Variants in ITGA8 observed in about 807,000 individuals in gnomAD.
The protein encoded by ITGA8 is integrin alpha-8.
ITGA8 carries 91 observed loss-of-function variants against 142.3 expected under a neutral mutation model. The observed-to-expected ratio is 0.64, with a 90% CI of 0.54 to 0.76. The LOEUF (loss-of-function observed/expected upper bound fraction) is 0.76. Among genes scored for constraint, ITGA8 ranks in the 30% least tolerant of loss-of-function variants. The pLI, the probability that ITGA8 is intolerant of heterozygous loss-of-function variation, is 0.00. For synonymous variants in ITGA8, 505 were observed against 485.2 expected (o/e 1.04, Z -0.54); for missense variants, 1,406 against 1,327.7 (o/e 1.06, Z -0.92).
intron 23 of ITGA8, among the ~76,000 whole-genome samples, chr10:15,577,563 C>T (rs1348354653): frequency 6.6e-6 from 1 of 151,996 alleles, no homozygotes; most frequent in Non-Finnish European, 1.5e-5. Flanking sequence ...ATCAAAACAT[C>T]ATGTCAAAAT....
At chr10:15,604,696 A>G (rs1202178461) in intron 19 of ITGA8, among the ~76,000 whole-genome samples, 1 of 152,138 alleles carries the variant, frequency 6.6e-6, no homozygotes, top group Non-Finnish European at 1.5e-5. Context: ...TACCAACAAA[A>G]TTACTGCAAA....
intron 13 of ITGA8, among the ~76,000 whole-genome samples, chr10:15,641,153 A>G (rs971404317): frequency 1.3e-5 from 2 of 152,118 alleles, no homozygotes; most frequent in Non-Finnish European, 2.9e-5. Flanking sequence ...TCCTGGGTTC[A>G]AGCAGTTCTC....
chr10:15,678,981 G>C (rs1389566606), intron 4 of ITGA8, among the ~76,000 whole-genome samples, 198 bp from the exon 5 acceptor site: 1 of 152,142 alleles, frequency 6.6e-6, no homozygotes. Context: ...ACACCAAATA[G>C]CGTTGTGATT....
At chr10:15,678,310 T>C (rs1834670643) in intron 5 of ITGA8, among the ~76,000 whole-genome samples, 1 of 152,216 alleles carries the variant, frequency 6.6e-6, no homozygotes. Context: ...CTCTTTTTAA[T>C]TTTTTGAAAG....
chr10:15,630,813 C>G (rs1273682030), intron 13 of ITGA8, among the ~76,000 whole-genome samples: 2 of 151,992 alleles, frequency 1.3e-5, no homozygotes, highest in South Asian at 2.1e-4. Flanking sequence ...ATACTCCATT[C>G]CTTATATCCT....
chr10:15,639,406 C>T (rs957811843), intron 13 of ITGA8, among the ~76,000 whole-genome samples: 1 of 152,144 alleles, frequency 6.6e-6, no homozygotes, highest in Admixed American at 6.5e-5. Context: ...GATCTCTCAT[C>T]CCCATCTCAG....
intron 26 of ITGA8, among the ~76,000 whole-genome samples, chr10:15,556,018 C>CTTTTTTTTTTT (rs869241754): frequency 1.9e-5 from 1 of 53,634 alleles, no homozygotes; most frequent in African/African-American, 8.6e-5. Flanking sequence ...CTCTCTCTCT[C>CTTTTTTTTTTT]TTTTTTTTTT....
intron 22 of ITGA8, among the ~76,000 whole-genome samples, chr10:15,590,754 C>T (rs1349584579): frequency 6.6e-6 from 1 of 152,096 alleles, no homozygotes; most frequent in Non-Finnish European, 1.5e-5. Context: ...ATTTAACATG[C>T]TTTTGGTAAA....
At chr10:15,600,205 C>G (rs1441759613) in intron 20 of ITGA8, among the ~76,000 whole-genome samples, 1 of 152,010 alleles carries the variant, frequency 6.6e-6, no homozygotes. Flanking sequence ...TGGTGTGCTG[C>G]ACCCATTAAC....
In ITGA8 at chr10:15,700,264, TA is replaced by T. The variant is rs1169836226; in HGVS notation, c.344-12227del. On this transcript the variant is annotated intron_variant, in intron 2 of 29. Transcript: ENST00000378076. ...ATTTATAGTTCCACCTCTGCAATAA[TA>T]AAACCTGACTTGGCCCAAGGGACCA... Among the ~76,000 whole-genome samples the T allele has an allele frequency of 2.0e-5, 3 of 152,158 alleles. 1 individual carries two copies. Among genetic ancestry groups the T allele is most frequent in the Non-Finnish European group, 4.4e-5 (3 of 68,026 alleles).
At chr10:15,532,432 A>AAAAAAAAAAG (rs1833327061) in intron 27 of ITGA8, among the ~76,000 whole-genome samples, 1 of 141,674 alleles carries the variant, frequency 7.1e-6, no homozygotes, top group African/African-American at 2.7e-5. Flanking sequence ...AAAAAAAAAA[A>AAAAAAAAAAG]AAAAAAAAAA....
At chr10:15,545,464 G>C (rs1284271530) in intron 27 of ITGA8, among the ~76,000 whole-genome samples, 3 of 151,306 alleles carry the variant, frequency 2.0e-5, no homozygotes, top group Non-Finnish European at 2.9e-5. Context: ...TAGATGCTGA[G>C]TAAACATAAA....
At position 15,719,784 on chromosome 10, in the gene ITGA8, C is replaced by T; in HGVS notation, c.-13G>A. On this transcript the variant is annotated 5_prime_UTR_variant, in exon 1 of 30. Transcript: ENST00000378076. ...CCCCGGGCGACATCTCCCTCCGCCC[C>T]GGTGGGTGGCTGCTACCCAGGAGCG... The T allele has an allele frequency of 7.4e-7, 1 of 1,344,640 alleles. No individual in the cohort carries two copies. The highest frequency in any genetic ancestry group is 1.5e-5 in the African/African-American group (1 of 65,086). The allele number at this position is 1,344,640 out of a possible 1,614,324, so 83.3% of individuals were successfully genotyped here.
chr10:15,543,937 A>T (rs757369882), intron 27 of ITGA8, among the ~76,000 whole-genome samples: 1 of 152,062 alleles, frequency 6.6e-6, no homozygotes, highest in Non-Finnish European at 1.5e-5. Context: ...GTGATGGGAG[A>T]TGGAAGGAGA....
intron 6 of ITGA8, 59 bp downstream of exon 6, chr10:15,677,533 G>T: frequency 7.4e-7 from 1 of 1,352,462 alleles, no homozygotes; most frequent in Non-Finnish European, 1.0e-6. Context: ...ACTACTTCTG[G>T]GTCCATCCTT....
chr10:15,537,686 C>T (rs990459562), intron 27 of ITGA8, among the ~76,000 whole-genome samples: 2 of 152,126 alleles, frequency 1.3e-5, no homozygotes, highest in South Asian at 4.1e-4. Flanking sequence ...GATAGGAGTC[C>T]TGCCTCATTG....
In ITGA8 at chr10:15,646,828, C is replaced by A. The variant is rs376403692; in HGVS notation, c.1207+18G>T. ...GGTGACGACACATAAATGACTTCCA[C>A]GCTTTGGTTTAAATTACCATTGTAT... is the stretch of plus-strand genomic sequence containing the variant. On this transcript the variant is annotated intron_variant, in intron 12 of 29. Transcript: ENST00000378076. The A allele has an allele frequency of 5.0e-6, 8 of 1,602,658 alleles. No individual in the cohort carries two copies. In the East Asian group the frequency reaches 1.8e-4, roughly 36 times the overall value.
At chr10:15,717,563 T>G (rs985962832) in intron 2 of ITGA8, among the ~76,000 whole-genome samples, 1 of 152,256 alleles carries the variant, frequency 6.6e-6, no homozygotes, top group African/African-American at 2.4e-5. Context: ...AAGTAAAAGC[T>G]TATAAAAACT....
chr10:15,594,823 G>A (rs1029802879), intron 21 of ITGA8, among the ~76,000 whole-genome samples: 1 of 152,090 alleles, frequency 6.6e-6, no homozygotes, highest in African/African-American at 2.4e-5. Flanking sequence ...ATGAGAGTTT[G>A]TTCTTGTTTG....
Sources: allele counts gnomAD v4.1 joint callset (sites outside exome capture counted in the v4.1 genomes callset), GRCh38; gene constraint gnomAD v4.1.1; transcripts MANE v1.5; gene names NCBI Gene and HGNC (gene_info 2026-07-23, HGNC 2026-07-21).